The following SLCO3A1 variants were observed in gnomAD, a reference collection of about 807,000 sequenced individuals.
The protein encoded by SLCO3A1 is PGE1 transporter.
Under a neutral mutation model 63.1 loss-of-function variants are expected in SLCO3A1, and 27 were observed. The observed-to-expected ratio is 0.43, with a 90% CI of 0.32 to 0.59. The LOEUF is 0.59. Ranked by LOEUF, SLCO3A1 falls within the 20% of genes least tolerant of loss-of-function variation. The probability of loss-of-function intolerance (pLI) is 0.09; values close to 1 mark genes in which losing one functional copy is unlikely to be tolerated. For missense variants in SLCO3A1, 773 were observed against 945.8 expected (o/e 0.82, Z 2.40); for synonymous variants, 473 against 409.9 (o/e 1.15, Z -1.86).
At chr15:91,951,311 A>C (rs898543748) in intron 2 of SLCO3A1, among the ~76,000 whole-genome samples, 1 of 152,220 alleles carries the variant, frequency 6.6e-6, no homozygotes, top group African/African-American at 2.4e-5. Flanking sequence ...ACATGGAATC[A>C]GTGCAATACG....
chr15:92,098,864 C>T (rs537462019), intron 3 of SLCO3A1, among the ~76,000 whole-genome samples: 1 of 152,204 alleles, frequency 6.6e-6, no homozygotes, highest in Non-Finnish European at 1.5e-5. Flanking sequence ...GCATTTAGCA[C>T]AGTGCCTGGC....
intron 2 of SLCO3A1, among the ~76,000 whole-genome samples, chr15:92,092,789 G>A (rs901586643): frequency 1.3e-5 from 2 of 152,178 alleles, no homozygotes; most frequent in Non-Finnish European, 2.9e-5. Context: ...CCAACTTTGT[G>A]TGCTTGGTTA....
chr15:91,970,021 C>G (rs962186378), intron 2 of SLCO3A1, among the ~76,000 whole-genome samples: 3 of 152,100 alleles, frequency 2.0e-5, no homozygotes, highest in Non-Finnish European at 2.9e-5. Context: ...GTTTTTTCCC[C>G]TCAGCGAAAT....
intron 7 of SLCO3A1, among the ~76,000 whole-genome samples, chr15:92,144,222 A>G (rs2048190334): frequency 6.6e-6 from 1 of 152,246 alleles, no homozygotes; most frequent in Non-Finnish European, 1.5e-5. Flanking sequence ...TAACAGGAGG[A>G]AAACAAAGGT....
intron 1 of SLCO3A1, among the ~76,000 whole-genome samples, chr15:91,901,205 G>A (rs1200757261): frequency 6.6e-6 from 1 of 152,002 alleles, no homozygotes; most frequent in Non-Finnish European, 1.5e-5. Context: ...TTATCACAGT[G>A]TACTTCAGAT....
At chr15:92,127,656 A>T (rs2047941550) in intron 6 of SLCO3A1, among the ~76,000 whole-genome samples, 1 of 152,144 alleles carries the variant, frequency 6.6e-6, no homozygotes, top group Non-Finnish European at 1.5e-5. Flanking sequence ...GAGCTAATAC[A>T]CTCACTCTAC....
intron 1 of SLCO3A1, among the ~76,000 whole-genome samples, chr15:91,887,410 T>C (rs1036175190): frequency 6.6e-6 from 1 of 152,128 alleles, no homozygotes; most frequent in African/African-American, 2.4e-5. Flanking sequence ...CCTGCCTGCC[T>C]GCATGAGACA....
At chr15:92,104,604 A>G (rs917355) in intron 4 of SLCO3A1, 62 bp downstream of exon 4, 1,127,657 of 1,538,448 alleles carry the variant, frequency 0.73, 414,605 homozygotes, top group Admixed American at 0.86. Context: ...GGGGTGATGA[A>G]TGAAGGGGTG....
intron 4 of SLCO3A1, among the ~76,000 whole-genome samples, chr15:92,110,100 C>G (rs900308813): frequency 6.6e-6 from 1 of 152,176 alleles, no homozygotes; most frequent in Non-Finnish European, 1.5e-5. Flanking sequence ...CCTTTCCCCC[C>G]TCCAAAAGAG....
At position 92,132,416 on chromosome 15, in the gene SLCO3A1, ATTC is replaced by A. The variant is rs1596129785; in HGVS notation, c.1512+3932_1512+3934del. On this transcript the variant is annotated intron_variant, in intron 7 of 9. Transcript: ENST00000318445. ...GCCTGCATTTAATGTACGACTTCTA[ATTC>A]TTCTCACTGCATATGACCAGGAAGG... 2.8e-5 allele frequency among the ~76,000 whole-genome samples: 4 copies of A among 144,294 alleles called. No individual in the cohort carries two copies. The East Asian group carries it at 7.8e-4, about 28-fold the overall frequency. 94.7% of individuals were successfully genotyped at this position (144,294 alleles called of 152,430 possible). A position where few individuals can be genotyped will look rare whatever the true frequency, so the allele number is the denominator to read the frequency against.
At chr15:92,151,476 G>A (rs989899484) in intron 9 of SLCO3A1, among the ~76,000 whole-genome samples, 1 of 152,146 alleles carries the variant, frequency 6.6e-6, no homozygotes, top group Non-Finnish European at 1.5e-5. Context: ...TTTCTGGGAT[G>A]GGGCAAATGT....
intron 2 of SLCO3A1, among the ~76,000 whole-genome samples, chr15:92,032,589 A>G (rs2046666353): frequency 6.6e-6 from 1 of 152,128 alleles, no homozygotes; most frequent in African/African-American, 2.4e-5. Context: ...TAATGGACAA[A>G]CTGGGTGAAA....
chr15:91,881,875 G>A (rs1380349615), intron 1 of SLCO3A1, among the ~76,000 whole-genome samples: 1 of 152,180 alleles, frequency 6.6e-6, no homozygotes, highest in Non-Finnish European at 1.5e-5. Flanking sequence ...TTTTACCACT[G>A]GAATGTCATG....
At chr15:92,022,822 G>A (rs772844210) in intron 2 of SLCO3A1, among the ~76,000 whole-genome samples, 6 of 152,282 alleles carry the variant, frequency 3.9e-5, no homozygotes, top group Non-Finnish European at 5.9e-5. Flanking sequence ...GAGTTGACAG[G>A]AGGCTTCCCA....
At chr15:92,068,726 T>C (rs2047180459) in intron 2 of SLCO3A1, among the ~76,000 whole-genome samples, 1 of 152,208 alleles carries the variant, frequency 6.6e-6, no homozygotes, top group African/African-American at 2.4e-5. Context: ...CGAATGGTGT[T>C]AACAGCCTCA....
At position 92,016,464 on chromosome 15, in the gene SLCO3A1, TTGAAGGCTAAA is replaced by T. The variant is rs1597223986; in HGVS notation, c.647-78416_647-78406del. 5.9e-5 allele frequency among the ~76,000 whole-genome samples: 9 copies of T among 152,174 alleles called. No individual in the cohort carries two copies. The East Asian group carries it at 1.7e-3, about 29-fold the overall frequency. On this transcript the variant is annotated intron_variant, in intron 2 of 9. Transcript: ENST00000318445. ...CACTGAGCCCAGCCTGAAGAAGGCT[TTGAAGGCTAAA>T]GGAAGGAATGTCGTCCTGATCCCTT...
At position 91,862,832 on chromosome 15, in the gene SLCO3A1, G is replaced by A. The variant is rs1897080024; in HGVS notation, c.180+8744G>A. 6.6e-6 allele frequency among the ~76,000 whole-genome samples: 1 copy of A among 152,182 alleles called. No homozygotes were observed. Among genetic ancestry groups the A allele is most frequent in the African/African-American group, 2.4e-5 (1 of 41,444 alleles). ...ATGTAGGGAGAAGTGTCACAATGAT[G>A]TTTTTCATTTAAAGACTACTGTAAA... On this transcript the variant is annotated intron_variant, in intron 1 of 9. Coordinates refer to ENST00000318445, the MANE Select transcript of SLCO3A1 (RefSeq NM_013272.4). This position sits in a 1 kb window ranked among gnomAD's most constrained non-coding sequence, Gnocchi z 4.0.
chr15:92,004,145 T>C (rs2046287157), intron 2 of SLCO3A1, among the ~76,000 whole-genome samples: 1 of 152,124 alleles, frequency 6.6e-6, no homozygotes, highest in African/African-American at 2.4e-5. Context: ...AGCTTTAACA[T>C]GCTCCAGTCT....
intron 2 of SLCO3A1, among the ~76,000 whole-genome samples, chr15:92,024,900 C>G (rs765303677): frequency 1.3e-5 from 2 of 152,122 alleles, no homozygotes; most frequent in Non-Finnish European, 2.9e-5. Flanking sequence ...CGTCTACCTA[C>G]CCATCCATCC....
Sources: allele counts gnomAD v4.1 joint callset (sites outside exome capture counted in the v4.1 genomes callset), GRCh38; gene constraint gnomAD v4.1.1; non-coding constraint Gnocchi (gnomAD v3.1); transcripts MANE v1.5; gene names NCBI Gene and HGNC (gene_info 2026-07-23, HGNC 2026-07-21).